Variants in DNAJC1 observed in about 807,000 individuals in gnomAD.
DNAJC1 encodes dnaJ homolog subfamily C member 1.
DNAJC1 carries 58 observed loss-of-function variants against 76.6 expected under a neutral mutation model. The ratio of observed to expected loss-of-function variants is 0.76; its 90% CI spans 0.61 to 0.94. DNAJC1 has a LOEUF of 0.94. Among genes scored for constraint, DNAJC1 ranks in the 40% least tolerant of loss-of-function variants. DNAJC1 has a pLI of 0.00. For synonymous variants in DNAJC1, 258 were observed against 267.9 expected (o/e 0.96, Z 0.36); for missense variants, 689 against 677.3 (o/e 1.02, Z -0.19).
chr10:21,918,823 T>C lies in DNAJC1; in HGVS notation c.685A>G (p.Ile229Val). 1 of 1,613,056 alleles carries C rather than the reference T, an allele frequency of 6.2e-7. No individual in the cohort carries two copies. Among genetic ancestry groups the C allele is most frequent in the Non-Finnish European group, 8.5e-7 (1 of 1,179,350 alleles). Reference protein sequence around the residue: ...WHDLLPCKLGIWFCLTLKALP... With the variant: ...WHDLLPCKLGVWFCLTLKALP... ...GCTTTTAGTGTAAGGCAAAACCAAA[T>C]CCCCAGTTTGCATGGAAGCAAATCA... The change falls in exon 6 of 12, where the codon ATT becomes GTT. Residue 229 changes from isoleucine to valine, a missense_variant. Coordinates refer to ENST00000376980, the MANE Select transcript of DNAJC1 (RefSeq NM_022365.4).
At chr10:21,973,737 TA>T (rs539576521) in intron 1 of DNAJC1, among the ~76,000 whole-genome samples, 27 of 81,114 alleles carry the variant, frequency 3.3e-4, no homozygotes, top group Admixed American at 6.1e-4. Context: ...GCTCACTACT[TA>T]AAAAAAAAAA....
rs538301271 is a variant in DNAJC1 at position 21,826,237 on chromosome 10, C to CAAA, written c.979-20141_979-20139dup. On this transcript the variant is annotated intron_variant, in intron 8 of 11. Transcript: ENST00000376980. ...TGGGCAACAAGAATGAGACTTTGTC[C>CAAA]AAAAAAAAAAAAGAAGAAGAGGAGA... 9.0e-5 allele frequency among the ~76,000 whole-genome samples: 7 copies of CAAA among 77,502 alleles called. No individual in the cohort carries two copies. In the East Asian group the frequency reaches 1.9e-3, roughly 22 times the overall value. 50.8% of individuals were successfully genotyped at this position (77,502 alleles called of 152,430 possible).
At chr10:21,806,232 A>C (rs1834881352) in intron 8 of DNAJC1, 133 bp from the exon 9 acceptor site, 1 of 983,682 alleles carries the variant, frequency 1.0e-6, no homozygotes, top group African/African-American at 1.7e-5. Flanking sequence ...TGTAAAAAAC[A>C]ATACTAAATT....
chr10:21,867,794 G>C (rs567613367), intron 8 of DNAJC1, among the ~76,000 whole-genome samples: 1 of 151,818 alleles, frequency 6.6e-6, no homozygotes, highest in Non-Finnish European at 1.5e-5. Flanking sequence ...GTGACAGGCC[G>C]GGTGCCGTAG....
intron 8 of DNAJC1, among the ~76,000 whole-genome samples, chr10:21,831,021 T>G (rs184215346): frequency 6.6e-6 from 1 of 152,220 alleles, no homozygotes; most frequent in African/African-American, 2.4e-5. Context: ...CTTATTCTTG[T>G]AATGCCAATT....
chr10:21,947,324 T>G (rs1400268680), intron 1 of DNAJC1, among the ~76,000 whole-genome samples: 1 of 152,122 alleles, frequency 6.6e-6, no homozygotes, highest in Non-Finnish European at 1.5e-5. Flanking sequence ...CAGATTTTTT[T>G]CAATAAAAGT....
chr10:21,956,159 G>C (rs943276202), intron 1 of DNAJC1, among the ~76,000 whole-genome samples: 1 of 152,108 alleles, frequency 6.6e-6, no homozygotes, highest in Non-Finnish European at 1.5e-5. Flanking sequence ...TCCCATGGCA[G>C]AACACAGAGG....
chr10:21,850,619 A>T (rs1395246946), intron 8 of DNAJC1, among the ~76,000 whole-genome samples: 1 of 151,948 alleles, frequency 6.6e-6, no homozygotes, highest in African/African-American at 2.4e-5. Flanking sequence ...TATGCACATC[A>T]ATGCAATACC....
chr10:21,879,613 G>T (rs1836239862), intron 8 of DNAJC1, among the ~76,000 whole-genome samples: 1 of 152,068 alleles, frequency 6.6e-6, no homozygotes, highest in African/African-American at 2.4e-5. Flanking sequence ...GACAGAGAGA[G>T]ACTCTGTCTC....
In DNAJC1 at chr10:21,782,378, C is replaced by G. The variant is rs1441507106; in HGVS notation, c.1099-16069G>C. 3.3e-5 allele frequency among the ~76,000 whole-genome samples: 5 copies of G among 152,166 alleles called. No homozygotes were observed. In the East Asian group the frequency reaches 9.6e-4, roughly 29 times the overall value. ...TCTCTGAATAGACCAATAACAGGCT[C>G]TGAAATTGAGGCAATAATTAATAGC... On this transcript the variant is annotated intron_variant, in intron 9 of 11. Transcript: ENST00000376980.
chr10:21,849,522 AG>A (rs1835717595), intron 8 of DNAJC1, among the ~76,000 whole-genome samples: 1 of 151,996 alleles, frequency 6.6e-6, no homozygotes, highest in South Asian at 2.1e-4. Flanking sequence ...CAATACTGAC[AG>A]GGGGAAAAAA....
rs762885433 is a variant in DNAJC1, at chr10:21,759,223, C to T, written c.1543G>A (p.Gly515Arg). The change falls in exon 11 of 12, where the codon GGA becomes AGA. Residue 515 changes from glycine (G) to arginine (R), a missense_variant. Gly to Arg is a moderately radical substitution (Grantham distance 125). Coordinates refer to ENST00000376980, the MANE Select transcript of DNAJC1 (RefSeq NM_022365.4). The stretch of plus-strand genomic sequence containing the variant: ...ATTTTGTCCCAGCGGTCAGAGGATC[C>T]CCTTGGGTACTGCTGCAACGCCAGT... ...LELALQQYPR[G>R]SSDRWDKIAR... 6.2e-7 allele frequency: 1 copy of T among 1,614,148 alleles called. No homozygotes were observed. The highest frequency in any genetic ancestry group is 1.1e-5 in the South Asian group (1 of 91,066).
At chr10:21,853,106 T>C (rs1003039702) in intron 8 of DNAJC1, among the ~76,000 whole-genome samples, 1 of 152,218 alleles carries the variant, frequency 6.6e-6, no homozygotes, top group Non-Finnish European at 1.5e-5. Context: ...CCCTACTACA[T>C]AAAATAATCT....
intron 6 of DNAJC1, among the ~76,000 whole-genome samples, chr10:21,917,487 C>T (rs924696272): frequency 4.6e-5 from 7 of 151,916 alleles, no homozygotes; most frequent in Non-Finnish European, 7.4e-5. Flanking sequence ...GCCTATTGCA[C>T]GGATTCTAAA....
At chr10:21,950,848 T>A (rs1205499967) in intron 1 of DNAJC1, among the ~76,000 whole-genome samples, 4 of 152,138 alleles carry the variant, frequency 2.6e-5, no homozygotes, top group Non-Finnish European at 5.9e-5. Flanking sequence ...CTAACTCTCT[T>A]CATTTCTGAG....
intron 1 of DNAJC1, among the ~76,000 whole-genome samples, chr10:21,939,132 ACCTACCTCAGCCT>A (rs987657070): frequency 5.3e-5 from 8 of 151,972 alleles, no homozygotes; most frequent in African/African-American, 1.9e-4. Flanking sequence ...CTCGTGATTC[ACCTACCTCAGCCT>A]CCTGAAGTGC....
At chr10:21,783,995 A>G (rs1386899718) in intron 9 of DNAJC1, among the ~76,000 whole-genome samples, 1 of 152,238 alleles carries the variant, frequency 6.6e-6, no homozygotes, top group Non-Finnish European at 1.5e-5. Context: ...GGCATGGGCA[A>G]GGACTTTATA....
rs552435740 is a variant in DNAJC1 at position 21,836,740 on chromosome 10, C to T, written c.979-30641G>A. ...TCAAAAGAGACAAAGAAGGCCATTA[C>T]ATAATGGTAAAGGGATCAATTCAAC... On this transcript the variant is annotated intron_variant, in intron 8 of 11. Transcript: ENST00000376980. Among the ~76,000 whole-genome samples, 5 of 152,222 alleles carry T rather than the reference C, an allele frequency of 3.3e-5. No individual in the cohort carries two copies. In the East Asian group the frequency reaches 9.6e-4, roughly 29 times the overall value.
intron 8 of DNAJC1, among the ~76,000 whole-genome samples, chr10:21,870,642 G>A (rs554386550): frequency 1.1e-4 from 16 of 152,184 alleles, no homozygotes; most frequent in Admixed American, 2.6e-4. Context: ...AGGCATGGTG[G>A]CACATGCCTG....
Sources: gnomAD v4.1 joint callset for allele counts (sites outside exome capture counted in the v4.1 genomes callset) on GRCh38, gnomAD v4.1.1 for gene constraint, MANE v1.5 for transcripts, NCBI Gene and HGNC (gene_info 2026-07-23, HGNC 2026-07-21) for gene names.